The following ZNF90 variants were observed in gnomAD, a reference collection of about 807,000 sequenced individuals.
ZNF90 encodes zinc finger protein 90, also known as zinc finger protein HTF9.
A neutral mutation model predicts 12.0 loss-of-function variants in ZNF90; 11 were observed. The observed-to-expected ratio is 0.92, with a 90% CI of 0.58 to 1.52. The LOEUF (loss-of-function observed/expected upper bound fraction) is 1.52, where lower values mean the gene tolerates loss of function less well. Ranked by LOEUF, ZNF90 falls within the 40% of genes most tolerant of loss-of-function variation. The probability of loss-of-function intolerance (pLI) is 0.00; values close to 1 mark genes in which losing one functional copy is unlikely to be tolerated. For synonymous variants in ZNF90, 232 were observed against 240.1 expected (o/e 0.97, Z 0.31); for missense variants, 765 against 711.5 (o/e 1.08, Z -0.86).
At chr19:20,086,193 A>AC (rs1328848528) in intron 1 of ZNF90, among the ~76,000 whole-genome samples, 1 of 151,172 alleles carries the variant, frequency 6.6e-6, no homozygotes, top group African/African-American at 2.4e-5. Flanking sequence ...ATGTTTGCAG[A>AC]CTACCTGCAT....
chr19:20,113,036 G>A (rs1202494757), intron 3 of ZNF90, among the ~76,000 whole-genome samples: 2 of 152,254 alleles, frequency 1.3e-5, no homozygotes, highest in East Asian at 1.9e-4. Flanking sequence ...ACTTAAGACA[G>A]TGTGGAGCAA....
At chr19:20,091,686 T>C (rs148125231) in intron 1 of ZNF90, among the ~76,000 whole-genome samples, 2,259 of 152,258 alleles carry the variant, frequency 0.015, 51 homozygotes, top group African/African-American at 0.052. Context: ...GGAAGTAAAG[T>C]GGTCTTGAGC....
At chr19:20,080,523 TC>T in intron 1 of ZNF90, 1 of 251,158 alleles carries the variant, frequency 4.0e-6, no homozygotes, top group South Asian at 5.3e-5. Context: ...GTGCCAGTTG[TC>T]CCAAGAGATG....
intron 3 of ZNF90, among the ~76,000 whole-genome samples, chr19:20,106,100 T>C (rs2089035324): frequency 6.6e-6 from 1 of 150,598 alleles, no homozygotes; most frequent in Non-Finnish European, 1.5e-5. Flanking sequence ...GGTTAATTTT[T>C]TTTCTCAGAA....
At chr19:20,107,518 G>A (rs543160573) in intron 3 of ZNF90, among the ~76,000 whole-genome samples, 27 of 152,256 alleles carry the variant, frequency 1.8e-4, no homozygotes, top group Admixed American at 5.9e-4. Context: ...GCTGCATAAT[G>A]CATGCAGGTC....
At chr19:20,086,185 G>A (rs916228253) in intron 1 of ZNF90, among the ~76,000 whole-genome samples, 45 of 146,268 alleles carry the variant, frequency 3.1e-4, no homozygotes, top group African/African-American at 1.1e-3. Flanking sequence ...TATGTGTAAT[G>A]TTTGCAGACT....
intron 1 of ZNF90, among the ~76,000 whole-genome samples, chr19:20,089,775 G>T (rs574888746): frequency 6.6e-6 from 1 of 152,312 alleles, no homozygotes; most frequent in African/African-American, 2.4e-5. Flanking sequence ...GTTCGGAGGT[G>T]TAGGGAGACG....
chr19:20,093,669 G>A (rs2088920081), intron 1 of ZNF90, among the ~76,000 whole-genome samples: 1 of 152,102 alleles, frequency 6.6e-6, no homozygotes, highest in Admixed American at 6.5e-5. Context: ...CACCAGAGTG[G>A]GGGAGTTTTC....
chr19:20,087,891 A>G (rs144029279), intron 1 of ZNF90, among the ~76,000 whole-genome samples: 2,263 of 152,234 alleles, frequency 0.015, 53 homozygotes, highest in African/African-American at 0.052. Context: ...TGGGGGTCGC[A>G]AGGTGCTCAG....
chr19:20,080,756 T>C (rs1302100446), intron 1 of ZNF90, among the ~76,000 whole-genome samples: 1 of 152,184 alleles, frequency 6.6e-6, no homozygotes, highest in African/African-American at 2.4e-5. Flanking sequence ...GACTGGCATC[T>C]GCAGTGAGGA....
At chr19:20,100,493 C>A (rs2122500972) in intron 1 of ZNF90, among the ~76,000 whole-genome samples, 1 of 152,322 alleles carries the variant, frequency 6.6e-6, no homozygotes, top group East Asian at 1.9e-4. Context: ...GCCTCAGGTG[C>A]AGTCCATGAC....
At chr19:20,112,174 A>T (rs906478464) in intron 3 of ZNF90, among the ~76,000 whole-genome samples, 1 of 151,172 alleles carries the variant, frequency 6.6e-6, no homozygotes, top group Non-Finnish European at 1.5e-5. Flanking sequence ...TCAGATTCAC[A>T]TATTGTTTTT....
rs184261851 is a variant in ZNF90, at chr19:20,119,417, A to T, written c.*57A>T. On this transcript the variant is annotated 3_prime_UTR_variant, in exon 4 of 4. Transcript: ENST00000418063. ...AATTCATACTGGAGAGAAACCGTAT[A>T]AATGTGATGACTGTTGGAAAGCCTT... 104 of 1,452,516 alleles carry T rather than the reference A, an allele frequency of 7.2e-5. No individual in the cohort carries two copies. In the African/African-American group the frequency reaches 1.1e-3, roughly 15 times the overall value. The allele number at this position is 1,452,516 out of a possible 1,614,324, so 90.0% of individuals were successfully genotyped here.
rs189517782 is a variant in ZNF90 at position 20,100,145 on chromosome 19, G to A, written c.4-4094G>A. 3.8e-3 allele frequency among the ~76,000 whole-genome samples: 585 copies of A among 152,272 alleles called. 2 individuals are homozygous for A. Among genetic ancestry groups the A allele is most frequent in the Non-Finnish European group, 5.8e-3 (394 of 68,012 alleles). ...TACTCAGCAGAAGAGATAGAATGGG[G>A]AACCTCAGGAGGACATAGTTTCCTC... is the stretch of plus-strand genomic sequence containing the variant. On this transcript the variant is annotated intron_variant, in intron 1 of 3. Transcript: ENST00000418063.
chr19:20,104,380 A>C lies in ZNF90; in HGVS notation c.130+15A>C, dbSNP rs1394408684. ...GGTCTTCCTTGGTGAGGATAAGTGG[A>C]ATACATAATTCATAATATACCCTAA... On this transcript the variant is annotated intron_variant, in intron 2 of 3. Coordinates refer to ENST00000418063, the MANE Select transcript of ZNF90 (RefSeq NM_007138.2). 2.5e-6 allele frequency: 4 copies of C among 1,606,182 alleles called. No individual in the cohort carries two copies. Among genetic ancestry groups the C allele is most frequent in the Non-Finnish European group, 3.4e-6 (4 of 1,177,226 alleles).
chr19:20,101,926 G>A (rs1326785052), intron 1 of ZNF90, among the ~76,000 whole-genome samples: 3 of 152,202 alleles, frequency 2.0e-5, no homozygotes, highest in Admixed American at 1.3e-4. Flanking sequence ...AATTCTTATG[G>A]TAGTCAAGGG....
At chr19:20,079,387 C>G (rs1482333586) in intron 1 of ZNF90, among the ~76,000 whole-genome samples, 3 of 150,228 alleles carry the variant, frequency 2.0e-5, no homozygotes, top group Non-Finnish European at 3.0e-5. Flanking sequence ...ATGGGTCTTA[C>G]TGATAATGAT....
At chr19:20,079,824 TCGGCCACCCTGTCC>T (rs1024299389) in intron 1 of ZNF90, 1 of 328,196 alleles carries the variant, frequency 3.0e-6, no homozygotes, top group African/African-American at 2.2e-5. Context: ...TCTCATCTGC[TCGGCCACCCTGTCC>T]CGGCCCTGAA....
intron 1 of ZNF90, chr19:20,087,240 A>G (rs1057057628): frequency 6.6e-6 from 1 of 152,202 alleles, no homozygotes; most frequent in Admixed American, 6.5e-5. Flanking sequence ...GATCAATCTT[A>G]TATCTAATCT....
Sources: gnomAD v4.1 joint callset for allele counts (sites outside exome capture counted in the v4.1 genomes callset) on GRCh38, gnomAD v4.1.1 for gene constraint, MANE v1.5 for transcripts, NCBI Gene and HGNC (gene_info 2026-07-23, HGNC 2026-07-21) for gene names.